LCORL: variants seen among roughly 807,000 people sequenced by gnomAD.
LCORL encodes the protein ligand dependent nuclear receptor corepressor like.
LCORL carries 41 observed loss-of-function variants against 141.8 expected under a neutral mutation model. That is an observed-to-expected ratio of 0.29 (90% confidence interval 0.23 to 0.38). LCORL has a LOEUF of 0.38. Ranked by LOEUF, LCORL falls within the 10% of genes least tolerant of loss-of-function variation. The probability of loss-of-function intolerance (pLI) is 1.00; values close to 1 mark genes in which losing one functional copy is unlikely to be tolerated. For synonymous variants in LCORL, 618 were observed against 694.1 expected (o/e 0.89, Z 1.72); for missense variants, 1,759 against 2,035.0 (o/e 0.86, Z 2.61).
chr4:17,930,693 TG>T (rs566967912), intron 4 of LCORL, among the ~76,000 whole-genome samples: 3 of 152,214 alleles, frequency 2.0e-5, no homozygotes, highest in Non-Finnish European at 4.4e-5. Flanking sequence ...GGATTACGTT[TG>T]ACGCTTTTGT....
intron 2 of LCORL, 99 bp from the exon 3 acceptor site, chr4:17,963,148 A>T (rs1458288080): frequency 2.4e-5 from 13 of 546,238 alleles, no homozygotes; most frequent in South Asian, 2.3e-4. Flanking sequence ...AATAATTTTT[A>T]AAAAACTAAC....
At chr4:17,954,314 G>A (rs942410848) in intron 4 of LCORL, among the ~76,000 whole-genome samples, 1 of 152,162 alleles carries the variant, frequency 6.6e-6, no homozygotes, top group Non-Finnish European at 1.5e-5. Flanking sequence ...GGTAGAAACA[G>A]GATTCTAGAC....
chr4:18,005,074 C>T (rs1306294484), intron 1 of LCORL, among the ~76,000 whole-genome samples: 1 of 152,122 alleles, frequency 6.6e-6, no homozygotes, highest in Non-Finnish European at 1.5e-5. Flanking sequence ...CCTGCCACCA[C>T]ACCCAGCTAA....
intron 7 of LCORL, among the ~76,000 whole-genome samples, chr4:17,860,614 A>G (rs1724890667): frequency 6.6e-6 from 1 of 152,110 alleles, no homozygotes; most frequent in Non-Finnish European, 1.5e-5. Context: ...AAAACCAATC[A>G]TGCCTTCCCA....
chr4:17,917,940 AAAAACAAAACAAAACAAAAC>A (rs139664926), intron 4 of LCORL, among the ~76,000 whole-genome samples: 1 of 151,742 alleles, frequency 6.6e-6, no homozygotes, highest in Admixed American at 6.6e-5. Context: ...ACAGGTTAAC[AAAAACAAAACAAAACAAAAC>A]AAAACAAAAC....
chr4:18,005,755 G>T (rs1034214378), intron 1 of LCORL, among the ~76,000 whole-genome samples: 14 of 152,108 alleles, frequency 9.2e-5, no homozygotes, highest in African/African-American at 3.4e-4. Flanking sequence ...GTAATGGCTG[G>T]AGTGGCTCGG....
intron 1 of LCORL, among the ~76,000 whole-genome samples, chr4:18,019,627 GTCTA>G (rs1258454335): frequency 1.8e-4 from 27 of 152,014 alleles, no homozygotes; most frequent in Middle Eastern, 3.4e-3. Flanking sequence ...TATTTTTCAA[GTCTA>G]TCTATTTTTA....
intron 5 of LCORL, among the ~76,000 whole-genome samples, chr4:17,886,634 C>T (rs1355849703): frequency 6.6e-6 from 1 of 151,868 alleles, no homozygotes; most frequent in Non-Finnish European, 1.5e-5. Flanking sequence ...TGTGGCTGTA[C>T]GTATAAACAT....
At chr4:17,991,098 G>T (rs1231720448) in intron 1 of LCORL, among the ~76,000 whole-genome samples, 1 of 152,048 alleles carries the variant, frequency 6.6e-6, no homozygotes, top group Non-Finnish European at 1.5e-5. Context: ...AAAATTCAAA[G>T]AAATAAAATT....
intron 4 of LCORL, among the ~76,000 whole-genome samples, chr4:17,921,093 G>A (rs1268992002): frequency 1.3e-5 from 2 of 151,994 alleles, no homozygotes; most frequent in Admixed American, 6.6e-5. Context: ...GCGCAATCTC[G>A]GCTCACTGCA....
chr4:17,888,291 C>A (rs1224450325), intron 5 of LCORL, among the ~76,000 whole-genome samples: 1 of 152,040 alleles, frequency 6.6e-6, no homozygotes, highest in Non-Finnish European at 1.5e-5. Context: ...AAGCAAAGTA[C>A]CTGGCACAGA....
intron 7 of LCORL, among the ~76,000 whole-genome samples, chr4:17,859,884 A>C (rs1200612000): frequency 2.0e-5 from 3 of 152,232 alleles, no homozygotes; most frequent in Non-Finnish European, 4.4e-5. Context: ...TAAAATTTGT[A>C]GGAATTTATT....
At chr4:17,930,198 T>C (rs1175916160) in intron 4 of LCORL, among the ~76,000 whole-genome samples, 1 of 152,168 alleles carries the variant, frequency 6.6e-6, no homozygotes, top group Non-Finnish European at 1.5e-5. Context: ...CAGATTAGCT[T>C]TTCCTCAAAA....
intron 1 of LCORL, among the ~76,000 whole-genome samples, chr4:17,975,345 C>T (rs144387293): frequency 3.0e-3 from 454 of 151,228 alleles, no homozygotes; most frequent in Middle Eastern, 0.021. Context: ...AAATGTGTTG[C>T]TTAATTTCAA....
chr4:17,899,391 A>C (rs1044051351), intron 5 of LCORL, among the ~76,000 whole-genome samples: 1 of 152,202 alleles, frequency 6.6e-6, no homozygotes, highest in African/African-American at 2.4e-5. Flanking sequence ...ATGTGAAGGC[A>C]GAGTAACCCA....
Position 17,868,272 on chromosome 4 carries a change from T to C in LCORL, c.5602+5116A>G, listed in dbSNP as rs1481869801. On this transcript the variant is annotated intron_variant, in intron 7 of 7. Transcript: ENST00000635767. ...TGAATGGGAAAAATGTAAATTCAGT[T>C]ATTTTTGACGACAGATGGCAAAATA... Among the ~76,000 whole-genome samples the C allele has an allele frequency of 2.6e-5, 4 of 152,176 alleles. No homozygotes were observed. In the East Asian group the frequency reaches 7.7e-4, roughly 29 times the overall value.
Position 18,021,807 on chromosome 4 carries a change from GGGGCGCGAGCCCT to G in LCORL, c.-69_-57del, listed in dbSNP as rs1221047204. The G allele has an allele frequency of 3.5e-6, 5 of 1,415,574 alleles. No homozygotes were observed. In the African/African-American group the frequency reaches 6.1e-5, roughly 17 times the overall value. The allele number at this position is 1,415,574 out of a possible 1,614,324, so 87.7% of individuals were successfully genotyped here. A position where few individuals can be genotyped will look rare whatever the true frequency, so the allele number is the denominator to read the frequency against. ...ATACGAGCAGCGCAGGCACGAGGCA[GGGGCGCGAGCCCT>G]CGGCGCGAGCCCCGGAGCGCGCGCC... On this transcript the variant is annotated 5_prime_UTR_variant, in exon 1 of 8. Transcript: ENST00000635767. The surrounding 1 kb of genome is among the most constrained non-coding windows in gnomAD (Gnocchi z 5.5).
intron 6 of LCORL, chr4:17,883,827 T>A: frequency 6.4e-7 from 1 of 1,550,650 alleles, no homozygotes; most frequent in Non-Finnish European, 8.7e-7. Context: ...GTCTTCAGTG[T>A]TCCAGATCTT....
At chr4:17,962,637 T>C (rs557825996) in intron 3 of LCORL, among the ~76,000 whole-genome samples, 6 of 152,002 alleles carry the variant, frequency 3.9e-5, no homozygotes, top group Admixed American at 1.3e-4. Context: ...TGTAGGGTGG[T>C]CTCAGACCAA....
Sources: gnomAD v4.1 joint callset for allele counts (sites outside exome capture counted in the v4.1 genomes callset) on GRCh38, gnomAD v4.1.1 for gene constraint, Gnocchi (gnomAD v3.1) non-coding constraint, MANE v1.5 for transcripts, NCBI Gene and HGNC (gene_info 2026-07-23, HGNC 2026-07-21) for gene names.